Variants in CSRP2 observed in about 807,000 individuals in gnomAD.
CSRP2 encodes cysteine and glycine-rich protein 2.
Under a neutral mutation model 24.6 loss-of-function variants are expected in CSRP2, and 18 were observed. The ratio of observed to expected loss-of-function variants is 0.73; its 90% CI spans 0.51 to 1.09. The LOEUF is 1.09. CSRP2 is among the 50% of genes least tolerant of loss of function. The probability of loss-of-function intolerance (pLI) is 0.00; values close to 1 mark genes in which losing one functional copy is unlikely to be tolerated. For synonymous variants in CSRP2, 87 were observed against 84.3 expected, an observed-to-expected ratio of 1.03 and a Z score of -0.18; for missense variants, 215 against 239.4, an observed-to-expected ratio of 0.90 and a Z score of 0.67.
chr12:76,863,545 G>A, intron 2 of CSRP2: 1 of 480,546 alleles, frequency 2.1e-6, no homozygotes, highest in Non-Finnish European at 3.6e-6. Flanking sequence ...ATTCCTCCAT[G>A]GATATGACAG....
chr12:76,870,777 T>A (rs1270695865), intron 1 of CSRP2, among the ~76,000 whole-genome samples: 1 of 151,732 alleles, frequency 6.6e-6, no homozygotes, highest in Non-Finnish European at 1.5e-5. Flanking sequence ...ATTTGGAATT[T>A]AGGGAGACGC....
At chr12:76,866,854 G>A (rs1279865380) in intron 1 of CSRP2, among the ~76,000 whole-genome samples, 8 of 152,128 alleles carry the variant, frequency 5.3e-5, no homozygotes, top group Non-Finnish European at 1.0e-4. Context: ...TCTGTGACTC[G>A]TACAACTGCA....
chr12:76,859,278 A>G (rs1322505501), intron 5 of CSRP2, among the ~76,000 whole-genome samples: 2 of 152,164 alleles, frequency 1.3e-5, no homozygotes, highest in African/African-American at 4.8e-5. Flanking sequence ...TAAGGTATGT[A>G]TTTGTCTGTT....
chr12:76,878,751 A>G (rs1953876581), intron 1 of CSRP2, among the ~76,000 whole-genome samples, 187 bp downstream of exon 1: 1 of 152,154 alleles, frequency 6.6e-6, no homozygotes. Flanking sequence ...GATAAGAGAG[A>G]GAAAATCTGG....
chr12:76,873,171 G>C (rs930783811), intron 1 of CSRP2, among the ~76,000 whole-genome samples: 2 of 152,126 alleles, frequency 1.3e-5, no homozygotes, highest in Non-Finnish European at 2.9e-5. Flanking sequence ...TACATGTAGG[G>C]CCTTGTTATT....
At chr12:76,873,121 C>T (rs1170374230) in intron 1 of CSRP2, among the ~76,000 whole-genome samples, 1 of 152,172 alleles carries the variant, frequency 6.6e-6, no homozygotes, top group Non-Finnish European at 1.5e-5. Context: ...TATATTTGCC[C>T]AGATTCTAAA....
intron 3 of CSRP2, chr12:76,860,633 A>C (rs141953524): frequency 1.5e-4 from 64 of 425,466 alleles, no homozygotes; most frequent in African/African-American, 1.2e-3. Context: ...TATTTCAAAA[A>C]ACCAGATAGG....
intron 4 of CSRP2, 91 bp downstream of exon 4, chr12:76,860,193 A>G: frequency 7.3e-7 from 1 of 1,360,906 alleles, no homozygotes; most frequent in South Asian, 1.6e-5. Flanking sequence ...GATTTGTAAG[A>G]CATCACCCAA....
rs753187627 is a variant in CSRP2 at position 76,858,997 on chromosome 12, T to C, written c.537A>G (p.Gly179=). The change falls in exon 6 of 6, where the codon GGA becomes GGG. Residue 179 remains glycine, a synonymous_variant. Coordinates refer to ENST00000311083, the MANE Select transcript of CSRP2 (RefSeq NM_001321.3). The stretch of plus-strand genomic sequence containing the variant: ...CCCCTGCTCCTTGGCCATAGCCAAA[T>C]CCCTTGGGCCCAAAGTTCTTTGCAT... ...GCYAKNFGPK[G]FGYGQGAGAL... 42 of 1,614,094 alleles carry C rather than the reference T, an allele frequency of 2.6e-5. No individual in the cohort carries two copies. Among genetic ancestry groups the C allele is most frequent in the South Asian group, 6.6e-5 (6 of 91,088 alleles).
intron 2 of CSRP2, chr12:76,864,137 A>G (rs1176842284): frequency 6.6e-6 from 1 of 152,206 alleles, no homozygotes; most frequent in Non-Finnish European, 1.5e-5. Flanking sequence ...TAAAACTGCC[A>G]AATGTCATCG....
chr12:76,859,394 G>T, intron 5 of CSRP2, 153 bp downstream of exon 5: 2 of 618,450 alleles, frequency 3.2e-6, no homozygotes, highest in South Asian at 2.2e-5. Context: ...CTTAACTGTG[G>T]TTCTCTGTCA....
rs766730296 is a variant in CSRP2 at position 76,863,356 on chromosome 12, A to G, written c.113-12T>C. On this transcript the variant is annotated splice_polypyrimidine_tract_variant and intron_variant, in intron 2 of 5. Coordinates refer to ENST00000311083, the MANE Select transcript of CSRP2 (RefSeq NM_001321.3). ...TTTCCTGCAAACCACTGCAGGGGAA[A>G]AAGTTAGACTTTACACATGTTCCAA... 8.7e-6 allele frequency: 14 copies of G among 1,613,326 alleles called. No individual in the cohort carries two copies. The highest frequency in any genetic ancestry group is 1.2e-5 in the Non-Finnish European group (14 of 1,179,644).
At chr12:76,871,710 G>A (rs1436646843) in intron 1 of CSRP2, among the ~76,000 whole-genome samples, 1 of 150,270 alleles carries the variant, frequency 6.7e-6, no homozygotes, top group Non-Finnish European at 1.5e-5. Context: ...CTTGCAGTGA[G>A]CCGAGATAGT....
In CSRP2 at chr12:76,863,001, A is replaced by G. The variant is rs535621851; in HGVS notation, c.281+175T>C. The G allele has an allele frequency of 4.7e-4, 679 of 1,442,056 alleles. 13 individuals are homozygous for G. In the South Asian group the frequency reaches 9.1e-3, roughly 19 times the overall value. The allele number at this position is 1,442,056 out of a possible 1,614,324, so 89.3% of individuals were successfully genotyped here. A position where few individuals can be genotyped will look rare whatever the true frequency, so the allele number is the denominator to read the frequency against. On this transcript the variant is annotated intron_variant, in intron 3 of 5. Transcript: ENST00000311083. Reference sequence around the variant, plus strand: ...AGAAATCACTGGAATTATTAATAAGAACTTTGTTAGGTCCAAAACTCAATA... The same window carrying G: ...AGAAATCACTGGAATTATTAATAAGGACTTTGTTAGGTCCAAAACTCAATA...
At chr12:76,868,747 C>T (rs1280480586) in intron 1 of CSRP2, among the ~76,000 whole-genome samples, 1 of 151,938 alleles carries the variant, frequency 6.6e-6, no homozygotes, top group African/African-American at 2.4e-5. Context: ...AGATTGAGAC[C>T]ACGGTGAAAC....
Position 76,866,187 on chromosome 12 carries a change from C to T in CSRP2, c.74G>A (p.Cys25Tyr). 6.2e-7 allele frequency: 1 copy of T among 1,614,180 alleles called. No homozygotes were observed. The highest frequency in any genetic ancestry group is 8.5e-7 in the Non-Finnish European group (1 of 1,180,024). ...GCAGCGGTGGAAGCTCCTGCCATCA[C>T]ACTGCACCTCTTCTGCGTGGTACAC... ...RTVYHAEEVQ[C>Y]DGRSFHRCCF... The change falls in exon 2 of 6, where the codon TGT (cysteine) becomes TAT (tyrosine). Residue 25 changes from cysteine to tyrosine, a missense_variant. By Grantham distance (194) the Cys-to-Tyr change is radical. Coordinates refer to ENST00000311083, the MANE Select transcript of CSRP2 (RefSeq NM_001321.3).
intron 1 of CSRP2, among the ~76,000 whole-genome samples, chr12:76,875,472 A>G (rs1953843952): frequency 6.6e-6 from 1 of 152,256 alleles, no homozygotes; most frequent in South Asian, 2.1e-4. Context: ...TAAGCTCAGT[A>G]ACCCTGATCC....
intron 1 of CSRP2, among the ~76,000 whole-genome samples, chr12:76,870,536 C>T (rs1042650365): frequency 6.6e-6 from 1 of 152,178 alleles, no homozygotes; most frequent in African/African-American, 2.4e-5. Flanking sequence ...GACCACATCT[C>T]TGTATTCTCC....
At chr12:76,862,065 T>C (rs1203319048) in intron 3 of CSRP2, 6 of 152,342 alleles carry the variant, frequency 3.9e-5, no homozygotes, top group South Asian at 2.1e-4. Context: ...GTTGTAGGAC[T>C]GTTGTGAGGA....
Sources: allele counts gnomAD v4.1 joint callset (sites outside exome capture counted in the v4.1 genomes callset), GRCh38; gene constraint gnomAD v4.1.1; transcripts MANE v1.5; gene names NCBI Gene and HGNC (gene_info 2026-07-23, HGNC 2026-07-21).